The following PTPRG variants were observed in gnomAD, a reference collection of about 807,000 sequenced individuals.
The protein encoded by PTPRG is protein tyrosine phosphatase receptor type G.
Under a neutral mutation model 165.3 loss-of-function variants are expected in PTPRG, and 102 were observed. The observed-to-expected ratio is 0.62, with a 90% CI of 0.53 to 0.73. The LOEUF (loss-of-function observed/expected upper bound fraction) is 0.73. Among genes scored for constraint, PTPRG ranks in the 30% least tolerant of loss-of-function variants. PTPRG has a pLI of 0.00. For synonymous variants in PTPRG, 675 were observed against 669.5 expected (o/e 1.01, Z -0.13); for missense variants, 1,866 against 1,861.4 (o/e 1.00, Z -0.05).
chr3:61,562,445 C>A, intron 1 of PTPRG, 73 bp downstream of exon 1: 2 of 1,466,560 alleles, frequency 1.4e-6, no homozygotes, highest in Non-Finnish European at 1.9e-6. Flanking sequence ...CGCCTGGGCG[C>A]GGAGCTCCGG....
chr3:62,054,230 A>C (rs1700556731), intron 4 of PTPRG, among the ~76,000 whole-genome samples: 1 of 152,220 alleles, frequency 6.6e-6, no homozygotes, highest in Non-Finnish European at 1.5e-5. Context: ...CTATAGCTCC[A>C]ATAGGAGGAC....
At chr3:61,672,611 C>T (rs528624209) in intron 1 of PTPRG, among the ~76,000 whole-genome samples, 13 of 151,030 alleles carry the variant, frequency 8.6e-5, no homozygotes, top group African/African-American at 2.2e-4. Context: ...TGCAGGCACT[C>T]GGCAGGCTGA....
At chr3:61,966,711 A>G (rs2040279868) in intron 2 of PTPRG, among the ~76,000 whole-genome samples, 1 of 152,190 alleles carries the variant, frequency 6.6e-6, no homozygotes, top group African/African-American at 2.4e-5. Context: ...CTCTGTGGGA[A>G]CAATGGGAAG....
At position 62,296,373 on chromosome 3, in the gene PTPRG, TATA is replaced by T. The variant is rs1301204974; in HGVS notation, c.*3069_*3071del. ...TACTGAAATCAGTAAATAATTATTT[TATA>T]ATGACACAGCACAACTGCCTTGTTA... is the stretch of plus-strand genomic sequence containing the variant. On this transcript the variant is annotated 3_prime_UTR_variant, in exon 30 of 30. Coordinates refer to ENST00000474889, the MANE Select transcript of PTPRG (RefSeq NM_002841.4). The T allele has an allele frequency of 6.6e-6, 1 of 151,976 alleles. No individual in the cohort carries two copies. Among genetic ancestry groups the T allele is most frequent in the Non-Finnish European group, 1.5e-5 (1 of 67,974 alleles). The allele number at this position is 151,976 out of a possible 1,614,324, so 9.4% of individuals were successfully genotyped here.
At chr3:61,657,047 C>T (rs546966602) in intron 1 of PTPRG, among the ~76,000 whole-genome samples, 33 of 152,264 alleles carry the variant, frequency 2.2e-4, no homozygotes, top group South Asian at 2.1e-3. Flanking sequence ...ATCAGTTTTA[C>T]GTGTCACAGG....
At position 61,582,988 on chromosome 3, in the gene PTPRG, C is replaced by A. The variant is rs552849632; in HGVS notation, c.85+20616C>A. 2.6e-5 allele frequency among the ~76,000 whole-genome samples: 4 copies of A among 152,278 alleles called. No individual in the cohort carries two copies. The South Asian group carries it at 8.3e-4, about 32-fold the overall frequency. The stretch of plus-strand genomic sequence containing the variant: ...AGATACCTTCCTACGGGTATCCTGG[C>A]TGGTATTTTATGTACACAATGAAGT... On this transcript the variant is annotated intron_variant, in intron 1 of 29. Transcript: ENST00000474889.
chr3:62,090,953 G>A (rs1278445428), intron 5 of PTPRG, among the ~76,000 whole-genome samples: 1 of 152,140 alleles, frequency 6.6e-6, no homozygotes, highest in Non-Finnish European at 1.5e-5. Context: ...TCCATAAAAT[G>A]GAAATACCAA....
chr3:61,978,964 T>A (rs2040572805), intron 2 of PTPRG, among the ~76,000 whole-genome samples: 5 of 152,172 alleles, frequency 3.3e-5, no homozygotes, highest in Admixed American at 3.3e-4. Flanking sequence ...TTTTCTAGCT[T>A]CTGAGCCTCA....
chr3:62,106,483 C>T (rs1702475052), intron 5 of PTPRG, among the ~76,000 whole-genome samples: 1 of 149,680 alleles, frequency 6.7e-6, no homozygotes, highest in African/African-American at 2.4e-5. Flanking sequence ...TTTTTTTGGT[C>T]CCCTGCAAAC....
At chr3:61,586,977 CAG>C (rs146340281) in intron 1 of PTPRG, among the ~76,000 whole-genome samples, 5,966 of 152,256 alleles carry the variant, frequency 0.039, 338 homozygotes, top group African/African-American at 0.13. Context: ...ATGCCAAGAA[CAG>C]GGGAGTCTGT....
At chr3:61,742,653 C>T (rs1018252667) in intron 1 of PTPRG, 51 of 1,604,966 alleles carry the variant, frequency 3.2e-5, no homozygotes, top group Non-Finnish European at 4.2e-5. Flanking sequence ...TGATTGTGGA[C>T]TTCACCTCAC....
At chr3:61,661,626 TCTATTCC>T (rs1702671185) in intron 1 of PTPRG, among the ~76,000 whole-genome samples, 1 of 152,238 alleles carries the variant, frequency 6.6e-6, no homozygotes, top group African/African-American at 2.4e-5. Flanking sequence ...GTATATAAAT[TCTATTCC>T]TTTTATTTTT....
chr3:61,768,111 A>G (rs1211344721), intron 2 of PTPRG, among the ~76,000 whole-genome samples: 1 of 152,194 alleles, frequency 6.6e-6, no homozygotes, highest in Admixed American at 6.6e-5. Context: ...TCTGTAAAAT[A>G]CTAGTCATAA....
rs549829295 is a variant in PTPRG at position 61,762,935 on chromosome 3, G to A, written c.190+13953G>A. The stretch of plus-strand genomic sequence containing the variant: ...TCACTTTCCCTGTGTTCTTAACATG[G>A]CTTCCAGAATTCTAGATGTCAAATA... On this transcript the variant is annotated intron_variant, in intron 2 of 29. Transcript: ENST00000474889. 1.2e-4 allele frequency among the ~76,000 whole-genome samples: 18 copies of A among 152,178 alleles called. 1 individual carries two copies. The South Asian group carries it at 2.9e-3, about 25-fold the overall frequency.
intron 1 of PTPRG, among the ~76,000 whole-genome samples, chr3:61,706,741 C>T (rs1293071483): frequency 3.3e-5 from 5 of 152,142 alleles, no homozygotes; most frequent in Non-Finnish European, 7.4e-5. Flanking sequence ...CCACCCGCCT[C>T]AGCCTCCCAA....
At chr3:61,958,069 T>C (rs1575823236) in intron 2 of PTPRG, among the ~76,000 whole-genome samples, 1 of 152,180 alleles carries the variant, frequency 6.6e-6, no homozygotes, top group South Asian at 2.1e-4. Context: ...ATTATTACTT[T>C]AATTTCTGCC....
intron 8 of PTPRG, among the ~76,000 whole-genome samples, chr3:62,186,969 A>C (rs990880970): frequency 6.6e-6 from 1 of 152,222 alleles, no homozygotes; most frequent in Non-Finnish European, 1.5e-5. Context: ...GAAGGGGAAC[A>C]TGTCACACAG....
intron 7 of PTPRG, among the ~76,000 whole-genome samples, chr3:62,160,562 A>G (rs542869871): frequency 6.6e-6 from 1 of 152,380 alleles, no homozygotes; most frequent in African/African-American, 2.4e-5. Flanking sequence ...GGAGCCGGAC[A>G]ACACATGGAG....
At chr3:61,838,063 A>G (rs552040335) in intron 2 of PTPRG, among the ~76,000 whole-genome samples, 2 of 152,268 alleles carry the variant, frequency 1.3e-5, no homozygotes, top group Non-Finnish European at 2.9e-5. Context: ...CAACATATGA[A>G]TGTTGCAGGG....
Sources: gnomAD v4.1 joint callset for allele counts (sites outside exome capture counted in the v4.1 genomes callset) on GRCh38, gnomAD v4.1.1 for gene constraint, MANE v1.5 for transcripts, NCBI Gene and HGNC (gene_info 2026-07-23, HGNC 2026-07-21) for gene names.